HECW2: variants seen among roughly 807,000 people sequenced by gnomAD.
HECW2 encodes the protein E3 ubiquitin-protein ligase HECW2.
In HECW2, 61 loss-of-function variants were observed where a neutral mutation model predicts 175.2. That is an observed-to-expected ratio of 0.35 (90% CI 0.28 to 0.43). The LOEUF (loss-of-function observed/expected upper bound fraction) is 0.43. Ranked by LOEUF, HECW2 falls within the 20% of genes least tolerant of loss-of-function variation. The pLI, the probability that HECW2 is intolerant of heterozygous loss-of-function variation, is 1.00. For missense variants in HECW2, 1,524 were observed against 2,000.5 expected (o/e 0.76, Z 4.54); for synonymous variants, 671 against 731.0 (o/e 0.92, Z 1.32).
intron 1 of HECW2, among the ~76,000 whole-genome samples, chr2:196,497,778 T>G (rs1559143821): frequency 6.6e-6 from 1 of 152,208 alleles, no homozygotes; most frequent in African/African-American, 2.4e-5. Flanking sequence ...ATAGAGAAGT[T>G]ACCTAACCAC....
chr2:196,302,176 T>C (rs1265388186), intron 13 of HECW2, among the ~76,000 whole-genome samples: 3 of 152,232 alleles, frequency 2.0e-5, no homozygotes, highest in African/African-American at 7.2e-5. Context: ...TTTGTCAGGT[T>C]TGCTGAAGGT....
At chr2:196,527,144 G>C (rs955508415) in intron 1 of HECW2, among the ~76,000 whole-genome samples, 9 of 152,232 alleles carry the variant, frequency 5.9e-5, no homozygotes, top group Non-Finnish European at 1.2e-4. Context: ...CGTGAGCCTA[G>C]GACCCTCCCA....
At chr2:196,540,673 G>A (rs1336311333) in intron 1 of HECW2, among the ~76,000 whole-genome samples, 2 of 152,068 alleles carry the variant, frequency 1.3e-5, no homozygotes, top group Admixed American at 6.6e-5. Context: ...TTGAACTCCT[G>A]GCCTCAAGCA....
intron 19 of HECW2, among the ~76,000 whole-genome samples, chr2:196,245,843 A>G (rs565844615): frequency 2.0e-5 from 3 of 152,352 alleles, no homozygotes; most frequent in African/African-American, 7.2e-5. Context: ...GGGGTTCTCA[A>G]TCTTGACTGC....
chr2:196,425,212 G>A (rs1338656857), intron 2 of HECW2, among the ~76,000 whole-genome samples: 12 of 107,438 alleles, frequency 1.1e-4, no homozygotes, highest in Non-Finnish European at 1.9e-4. Context: ...CCACTATTGA[G>A]ACATACTGCT....
chr2:196,356,743 A>T (rs1352135457), intron 2 of HECW2, among the ~76,000 whole-genome samples: 1 of 152,218 alleles, frequency 6.6e-6, no homozygotes, highest in Non-Finnish European at 1.5e-5. Context: ...AACTTTTGTT[A>T]TAATATATTG....
At chr2:196,306,431 C>T (rs1328468708) in intron 13 of HECW2, 57 bp downstream of exon 13, 14 of 1,508,976 alleles carry the variant, frequency 9.3e-6, no homozygotes, top group East Asian at 2.4e-5. Context: ...ACAGAAACAA[C>T]GATCATTTGC....
intron 2 of HECW2, among the ~76,000 whole-genome samples, chr2:196,372,122 C>T (rs1015791316): frequency 6.6e-6 from 1 of 152,202 alleles, no homozygotes. Context: ...TATGGTCTCT[C>T]ATTCTGCTAT....
At chr2:196,366,372 C>T (rs1693744722) in intron 2 of HECW2, among the ~76,000 whole-genome samples, 1 of 152,058 alleles carries the variant, frequency 6.6e-6, no homozygotes, top group South Asian at 2.1e-4. Context: ...CTTCGGTGGA[C>T]AAGGAAATAC....
intron 1 of HECW2, among the ~76,000 whole-genome samples, chr2:196,492,904 G>C (rs923206320): frequency 6.6e-6 from 1 of 152,164 alleles, no homozygotes; most frequent in Non-Finnish European, 1.5e-5. Context: ...TTTCAAGTTT[G>C]TGATGTTAGA....
At chr2:196,203,967 T>C (rs1280299197) in intron 28 of HECW2, among the ~76,000 whole-genome samples, 10 of 152,198 alleles carry the variant, frequency 6.6e-5, no homozygotes, top group Admixed American at 6.5e-4. Flanking sequence ...CTTAAAATAT[T>C]TGTCTTTTGT....
chr2:196,221,096 GCA>G (rs985171762), intron 24 of HECW2, among the ~76,000 whole-genome samples, 155 bp from the exon 25 acceptor site: 1 of 152,186 alleles, frequency 6.6e-6, no homozygotes, highest in African/African-American at 2.4e-5. Context: ...CACTCACGGA[GCA>G]CACACACTCA....
At chr2:196,292,457 TCACCTCA>T (rs1175766283) in intron 14 of HECW2, 101 bp downstream of exon 14, 13 of 880,718 alleles carry the variant, frequency 1.5e-5, no homozygotes, top group Non-Finnish European at 2.3e-5. Flanking sequence ...GTGGAATGTT[TCACCTCA>T]CAAAGAGCCT....
At position 196,385,935 on chromosome 2, in the gene HECW2, A is replaced by G. The variant is rs1694335098; in HGVS notation, c.293-42171T>C. Reference sequence around the variant, plus strand: ...CTCATTTAATGTGAAAAATGTCACAACAGTGTAGAGCTGTGTATCTAGAAC... The same window carrying G: ...CTCATTTAATGTGAAAAATGTCACAGCAGTGTAGAGCTGTGTATCTAGAAC... On this transcript the variant is annotated intron_variant, in intron 2 of 28. Transcript: ENST00000644978. Among the ~76,000 whole-genome samples the G allele has an allele frequency of 3.3e-5, 5 of 152,194 alleles. No homozygotes were observed. In the South Asian group the frequency reaches 1.0e-3, roughly 32 times the overall value.
intron 17 of HECW2, 48 bp from the exon 18 acceptor site, chr2:196,257,954 G>T: frequency 7.4e-7 from 1 of 1,358,324 alleles, no homozygotes; most frequent in Non-Finnish European, 1.1e-6. Context: ...AGACCTTTAG[G>T]CTATAACTCA....
At chr2:196,387,966 A>C (rs374550145) in intron 2 of HECW2, among the ~76,000 whole-genome samples, 1 of 152,184 alleles carries the variant, frequency 6.6e-6, no homozygotes, top group Non-Finnish European at 1.5e-5. Context: ...AAGGCTTGTA[A>C]GCACTGAGTT....
chr2:196,435,301 G>A (rs763323851), intron 1 of HECW2, among the ~76,000 whole-genome samples: 10 of 152,160 alleles, frequency 6.6e-5, no homozygotes, highest in Non-Finnish European at 1.3e-4. Context: ...TCCAATCTAT[G>A]AAGCTTAAAA....
intron 3 of HECW2, among the ~76,000 whole-genome samples, chr2:196,340,944 C>A (rs895908374): frequency 2.0e-5 from 3 of 150,762 alleles, no homozygotes. Flanking sequence ...AAAAAAAAAA[C>A]CCTTCTCTTT....
At chr2:196,591,881 ATCTT>A (rs749842067) in intron 1 of HECW2, among the ~76,000 whole-genome samples, 20 of 152,194 alleles carry the variant, frequency 1.3e-4, no homozygotes, top group Non-Finnish European at 2.4e-4. Context: ...TCAATAACTG[ATCTT>A]TCTTTCTTTG....
Sources: gnomAD v4.1 joint callset for allele counts (sites outside exome capture counted in the v4.1 genomes callset) on GRCh38, gnomAD v4.1.1 for gene constraint, MANE v1.5 for transcripts, NCBI Gene and HGNC (gene_info 2026-07-23, HGNC 2026-07-21) for gene names.